Variants in GLP2R observed in about 807,000 individuals in gnomAD.
GLP2R encodes the protein glucagon-like peptide 2 receptor.
Under a neutral mutation model 68.2 loss-of-function variants are expected in GLP2R, and 59 were observed. That is an observed-to-expected ratio of 0.87 (90% CI 0.70 to 1.07). GLP2R has a LOEUF of 1.07. GLP2R is among the 50% of genes least tolerant of loss of function. The pLI, the probability that GLP2R is intolerant of heterozygous loss-of-function variation, is 0.00. For missense variants in GLP2R, 548 were observed against 677.4 expected (o/e 0.81, Z 2.12); for synonymous variants, 270 against 265.4 (o/e 1.02, Z -0.17).
chr17:9,867,984 C>T (rs982108310), intron 9 of GLP2R, among the ~76,000 whole-genome samples: 2 of 152,156 alleles, frequency 1.3e-5, no homozygotes, highest in Admixed American at 1.3e-4. Flanking sequence ...CTTCTAAAGA[C>T]TTAAAGTGTG....
Position 9,826,193 on chromosome 17 carries a change from T to G in GLP2R, c.130T>G (p.Ser44Ala). ...TCCTCTCTCCTTCCACAGGAAGTGC[T>G]CTCTCTGGGCCCCTGGGAGGCCCTT... ...TSPLSFHRKC[S>A]LWAPGRPFLT... Residue 44 changes from serine (S) to alanine (A), a missense_variant, in exon 1 of 13, where the codon TCT becomes GCT. Physicochemically the swap from Ser to Ala is moderately conservative, Grantham distance 99 (BLOSUM62 1). Coordinates refer to ENST00000262441, the MANE Select transcript of GLP2R (RefSeq NM_004246.3). 6.2e-7 allele frequency: 1 copy of G among 1,613,564 alleles called. No homozygotes were observed. Among genetic ancestry groups the G allele is most frequent in the African/African-American group, 1.3e-5 (1 of 75,014 alleles).
chr17:9,875,776 G>A (rs1391930404), intron 10 of GLP2R, among the ~76,000 whole-genome samples: 2 of 152,228 alleles, frequency 1.3e-5, no homozygotes, highest in African/African-American at 4.8e-5. Flanking sequence ...GTGGTTCCCA[G>A]CTCAGAGGCA....
intron 9 of GLP2R, chr17:9,865,925 T>C (rs762392203): frequency 1.9e-5 from 9 of 471,060 alleles, no homozygotes; most frequent in Non-Finnish European, 4.0e-5. Context: ...TGTAAAACAC[T>C]GACATATACC....
intron 11 of GLP2R, among the ~76,000 whole-genome samples, chr17:9,886,932 A>G (rs7212828): frequency 0.013 from 1,938 of 152,332 alleles, 44 homozygotes; most frequent in African/African-American, 0.044. Flanking sequence ...CTGCACACAC[A>G]TCCAGTTCCA....
chr17:9,875,764 TTG>T (rs2067137382), intron 10 of GLP2R, among the ~76,000 whole-genome samples: 1 of 152,210 alleles, frequency 6.6e-6, no homozygotes, highest in Non-Finnish European at 1.5e-5. Flanking sequence ...TCTCTGTTCT[TTG>T]TGGTTCCCAG....
chr17:9,868,478 G>A (rs1158871451), intron 9 of GLP2R, among the ~76,000 whole-genome samples: 1 of 152,124 alleles, frequency 6.6e-6, no homozygotes, highest in Non-Finnish European at 1.5e-5. Flanking sequence ...TATATATTTG[G>A]GGTCCTTAGC....
rs1567730677 is a variant in GLP2R at position 9,864,510 on chromosome 17, G to GTTTT, written c.1056+2423_1056+2424insTTTT. Among the ~76,000 whole-genome samples the GTTTT allele has an allele frequency of 8.5e-5, 12 of 141,046 alleles. No homozygotes were observed. The South Asian group carries it at 1.5e-3, about 18-fold the overall frequency. 92.5% of individuals were successfully genotyped at this position (141,046 alleles called of 152,430 possible). A position where few individuals can be genotyped will look rare whatever the true frequency, so the allele number is the denominator to read the frequency against. ...TTTTTGTTTGTTTGTTTGTTTGTTT[G>GTTTT]TTTGTTTTGTTTTTTGTTTTTTGTT... is the stretch of plus-strand genomic sequence containing the variant. On this transcript the variant is annotated intron_variant, in intron 9 of 12. Transcript: ENST00000262441.
intron 9 of GLP2R, among the ~76,000 whole-genome samples, chr17:9,867,718 AC>A (rs1257484267): frequency 1.3e-5 from 2 of 152,096 alleles, no homozygotes; most frequent in Admixed American, 1.3e-4. Context: ...CAGTTAACAG[AC>A]CCGGTGAAAT....
At chr17:9,872,894 T>A (rs566904672) in intron 10 of GLP2R, among the ~76,000 whole-genome samples, 175 of 152,296 alleles carry the variant, frequency 1.1e-3, no homozygotes, top group African/African-American at 2.5e-3. Context: ...AGGGTAAACA[T>A]ACCCGGTTCA....
chr17:9,825,955 G>C lies in GLP2R; in HGVS notation c.-109G>C. 1 of 898,720 alleles carries C rather than the reference G, an allele frequency of 1.1e-6. No homozygotes were observed. Among genetic ancestry groups the C allele is most frequent in the Non-Finnish European group, 1.7e-6 (1 of 580,270 alleles). The allele number at this position is 898,720 out of a possible 1,614,324, so 55.7% of individuals were successfully genotyped here. A position where few individuals can be genotyped will look rare whatever the true frequency, so the allele number is the denominator to read the frequency against. On this transcript the variant is annotated 5_prime_UTR_variant, in exon 1 of 13. Coordinates refer to ENST00000262441, the MANE Select transcript of GLP2R (RefSeq NM_004246.3). ...TCTCGGCGCAGCGTGGAGAGGATTT[G>C]TGCAAACATTTCCTCTGTGGACCAA...
intron 8 of GLP2R, among the ~76,000 whole-genome samples, 193 bp downstream of exon 8, chr17:9,861,392 T>G (rs552489422): frequency 1.3e-5 from 2 of 152,298 alleles, no homozygotes; most frequent in South Asian, 2.1e-4. Context: ...TAGTTACACA[T>G]GCAAATTAGC....
chr17:9,829,246 G>A (rs1414538520), intron 1 of GLP2R, among the ~76,000 whole-genome samples: 1 of 152,110 alleles, frequency 6.6e-6, no homozygotes, highest in Non-Finnish European at 1.5e-5. Context: ...AACTATCTAA[G>A]GATTTTTGAG....
At chr17:9,829,803 T>C (rs1029944458) in intron 1 of GLP2R, among the ~76,000 whole-genome samples, 55 of 152,224 alleles carry the variant, frequency 3.6e-4, no homozygotes, top group African/African-American at 1.3e-3. Context: ...TTTCACCTTC[T>C]CCCCTTTTTG....
intron 4 of GLP2R, among the ~76,000 whole-genome samples, chr17:9,846,192 A>G (rs935882500): frequency 6.6e-6 from 1 of 152,220 alleles, no homozygotes; most frequent in Non-Finnish European, 1.5e-5. Context: ...ATACTAACCT[A>G]TTAGGTCCTC....
chr17:9,843,880 G>T (rs1278075577), intron 4 of GLP2R, among the ~76,000 whole-genome samples: 1 of 151,590 alleles, frequency 6.6e-6, no homozygotes, highest in Non-Finnish European at 1.5e-5. Context: ...GGAATAAACA[G>T]GGGATAGCAC....
intron 3 of GLP2R, among the ~76,000 whole-genome samples, chr17:9,840,294 C>T (rs1430484377): frequency 6.6e-6 from 1 of 152,182 alleles, no homozygotes; most frequent in Admixed American, 6.6e-5. Context: ...TCTTCTATAC[C>T]TGTGCAGTCT....
At chr17:9,837,715 T>C (rs4239109) in intron 3 of GLP2R, among the ~76,000 whole-genome samples, 32,293 of 151,968 alleles carry the variant, frequency 0.21, 5,756 homozygotes, top group African/African-American at 0.47. Flanking sequence ...CTCTTGGTTA[T>C]TTTATTCTGA....
At chr17:9,838,248 G>C (rs886513692) in intron 3 of GLP2R, among the ~76,000 whole-genome samples, 9 of 152,162 alleles carry the variant, frequency 5.9e-5, no homozygotes, top group African/African-American at 2.2e-4. Context: ...TGGAGACTTT[G>C]GGCAAATTCC....
intron 10 of GLP2R, among the ~76,000 whole-genome samples, chr17:9,873,545 C>A (rs1210482978): frequency 2.0e-5 from 2 of 97,870 alleles, no homozygotes; most frequent in Non-Finnish European, 5.0e-5. Flanking sequence ...ATCACAAAAA[C>A]TATGCATGGA....
Sources: allele counts gnomAD v4.1 joint callset (sites outside exome capture counted in the v4.1 genomes callset), GRCh38; gene constraint gnomAD v4.1.1; transcripts MANE v1.5; gene names NCBI Gene and HGNC (gene_info 2026-07-23, HGNC 2026-07-21).